Variants in MKLN1 observed in about 807,000 individuals in gnomAD.
MKLN1 encodes the protein muskelin.
MKLN1 carries 18 observed loss-of-function variants against 99.0 expected under a neutral mutation model. That is an observed-to-expected ratio of 0.18 (90% CI 0.13 to 0.27). The LOEUF (loss-of-function observed/expected upper bound fraction) is 0.27, where lower values mean the gene tolerates loss of function less well. MKLN1 is among the 10% of genes least tolerant of loss of function. The pLI is 1.00. For missense variants in MKLN1, 621 were observed against 875.9 expected, an observed-to-expected ratio of 0.71 and a Z score of 3.67; for synonymous variants, 288 against 293.2, an observed-to-expected ratio of 0.98 and a Z score of 0.18.
chr7:131,111,551 A>G (rs547657998), intron 1 of MKLN1, among the ~76,000 whole-genome samples: 8 of 152,324 alleles, frequency 5.3e-5, no homozygotes, highest in Admixed American at 2.0e-4. Context: ...TCCCATTGAA[A>G]ACAAAATATT....
Position 131,466,357 on chromosome 7 carries a change from T to A in MKLN1, c.1870T>A (p.Cys624Ser). The A allele has an allele frequency of 6.2e-7, 1 of 1,605,822 alleles. No individual in the cohort carries two copies. Among genetic ancestry groups the A allele is most frequent in the South Asian group, 1.1e-5 (1 of 90,094 alleles). ...AGATGACTTCTGGTCACTGAAGTTG[T>A]GTAGACCTTCAAAAGATTATTTACT... is the stretch of plus-strand genomic sequence containing the variant. ...RLDDFWSLKL[C>S]RPSKDYLLRH... Residue 624 changes from cysteine (C) to serine (S), a missense_variant, in exon 15 of 18, where the codon TGT becomes AGT. Around this residue, in one of 8 missense-constraint regions of MKLN1, gnomAD observed 126 missense variants for 157.4 expected, o/e 0.80. Coordinates refer to ENST00000352689, the MANE Select transcript of MKLN1 (RefSeq NM_013255.5).
chr7:131,312,054 C>T (rs1411261119), intron 3 of MKLN1, among the ~76,000 whole-genome samples: 2 of 151,964 alleles, frequency 1.3e-5, no homozygotes, highest in African/African-American at 4.8e-5. Flanking sequence ...TGGAGTCTCA[C>T]TCTTGTTACC....
At chr7:131,411,452 T>C in intron 7 of MKLN1, 69 bp downstream of exon 7, 3 of 1,058,846 alleles carry the variant, frequency 2.8e-6, no homozygotes, top group Non-Finnish European at 4.4e-6. Flanking sequence ...CCCAAGGTAG[T>C]TCAAGTATCA....
chr7:131,298,763 C>T (rs1329666514), intron 3 of MKLN1, among the ~76,000 whole-genome samples: 1 of 152,160 alleles, frequency 6.6e-6, no homozygotes, highest in Non-Finnish European at 1.5e-5. Flanking sequence ...TGCTGGACTA[C>T]CCACTCTAGT....
At chr7:131,467,744 A>G (rs1434494471) in intron 15 of MKLN1, among the ~76,000 whole-genome samples, 1 of 152,186 alleles carries the variant, frequency 6.6e-6, no homozygotes, top group Non-Finnish European at 1.5e-5. Context: ...GATTTTAAGT[A>G]GAGGAGTAAC....
chr7:131,233,421 AT>A (rs1797272872), intron 3 of MKLN1, among the ~76,000 whole-genome samples: 2 of 150,802 alleles, frequency 1.3e-5, no homozygotes, highest in South Asian at 4.2e-4. Context: ...TAAAGTTTAT[AT>A]TTTGCGTCAT....
At chr7:131,379,381 A>G (rs921689302) in intron 2 of MKLN1, among the ~76,000 whole-genome samples, 2 of 152,230 alleles carry the variant, frequency 1.3e-5, no homozygotes, top group African/African-American at 4.8e-5. Flanking sequence ...TTACTGAAAG[A>G]TACTGGAGTT....
chr7:131,482,872 G>T (rs1463259672), intron 17 of MKLN1, among the ~76,000 whole-genome samples: 1 of 152,164 alleles, frequency 6.6e-6, no homozygotes, highest in Admixed American at 6.5e-5. Context: ...CCCCACAGTA[G>T]CCCTATGAAG....
At chr7:131,432,033 T>C (rs549405520) in intron 9 of MKLN1, among the ~76,000 whole-genome samples, 5 of 152,350 alleles carry the variant, frequency 3.3e-5, no homozygotes, top group African/African-American at 1.2e-4. Flanking sequence ...TCCTTTGATG[T>C]GCTCACTTAA....
At chr7:131,335,409 A>G (rs2116707173) in intron 1 of MKLN1, among the ~76,000 whole-genome samples, 1 of 152,302 alleles carries the variant, frequency 6.6e-6, no homozygotes, top group East Asian at 1.9e-4. Flanking sequence ...GAAAGGAAAT[A>G]TCATAGTCAT....
chr7:131,342,980 G>T (rs1186387981), intron 1 of MKLN1, among the ~76,000 whole-genome samples: 2 of 152,224 alleles, frequency 1.3e-5, no homozygotes, highest in African/African-American at 4.8e-5. Flanking sequence ...AATCTCTGGT[G>T]ATACACTGTC....
At chr7:131,381,490 G>A (rs1360028776) in intron 2 of MKLN1, among the ~76,000 whole-genome samples, 2 of 152,262 alleles carry the variant, frequency 1.3e-5, no homozygotes, top group South Asian at 4.1e-4. Context: ...CCCCATCACT[G>A]TGAAAATGAC....
intron 3 of MKLN1, among the ~76,000 whole-genome samples, chr7:131,273,720 G>A (rs761154618): frequency 2.0e-5 from 3 of 151,454 alleles, no homozygotes; most frequent in Non-Finnish European, 4.4e-5. Context: ...GACTTCCTAG[G>A]CTCAAGTGAT....
intron 3 of MKLN1, among the ~76,000 whole-genome samples, chr7:131,312,355 T>G (rs531034074): frequency 4.6e-5 from 7 of 152,284 alleles, no homozygotes; most frequent in African/African-American, 1.7e-4. Flanking sequence ...TTCTATAACC[T>G]TTAAAAATTT....
At chr7:131,277,812 G>A (rs1158568955) in intron 3 of MKLN1, among the ~76,000 whole-genome samples, 1 of 152,240 alleles carries the variant, frequency 6.6e-6, no homozygotes, top group East Asian at 1.9e-4. Flanking sequence ...TATTTAAGGT[G>A]ATGGATATCC....
At chr7:131,394,011 C>T (rs1359921842) in intron 4 of MKLN1, among the ~76,000 whole-genome samples, 1 of 150,450 alleles carries the variant, frequency 6.6e-6, no homozygotes, top group Non-Finnish European at 1.5e-5. Context: ...ATTCTTGGTG[C>T]TTTTAGTTTA....
chr7:131,222,105 T>G (rs1011903907), intron 3 of MKLN1, among the ~76,000 whole-genome samples: 2 of 151,048 alleles, frequency 1.3e-5, no homozygotes, highest in Admixed American at 1.3e-4. Context: ...CTATGTTGGC[T>G]AGGGTGATCT....
chr7:131,463,351 G>T lies in MKLN1; in HGVS notation c.1660G>T (p.Val554Leu), dbSNP rs1471302714. ...VRNSFWIYDI[V>L]RNSWSCVYKN... Reference sequence around the variant, plus strand: ...AAATTCATTCTGGATTTATGACATTGTGAGGAATAGTTGGTAAGGAACTCT... The same window carrying T: ...AAATTCATTCTGGATTTATGACATTTTGAGGAATAGTTGGTAAGGAACTCT... Residue 554 changes from valine to leucine, a missense_variant, in exon 13 of 18, where the codon GTG (valine) becomes TTG (leucine). Val to Leu is a conservative substitution (Grantham distance 32). Transcript: ENST00000352689. The T allele has an allele frequency of 3.7e-6, 6 of 1,611,610 alleles. No individual in the cohort carries two copies. Among genetic ancestry groups the T allele is most frequent in the Non-Finnish European group, 5.1e-6 (6 of 1,179,244 alleles).
At chr7:131,174,630 T>C (rs1796266317) in intron 2 of MKLN1, among the ~76,000 whole-genome samples, 1 of 152,230 alleles carries the variant, frequency 6.6e-6, no homozygotes, top group South Asian at 2.1e-4. Context: ...AAGATGATCC[T>C]GTGCCTGACG....
Sources: allele counts gnomAD v4.1 joint callset (sites outside exome capture counted in the v4.1 genomes callset), GRCh38; gene constraint gnomAD v4.1.1; regional missense constraint gnomAD v4.1.1; transcripts MANE v1.5; gene names NCBI Gene and HGNC (gene_info 2026-07-23, HGNC 2026-07-21).